The following SH3GLB1 variants were observed in gnomAD, a reference collection of about 807,000 sequenced individuals.
SH3GLB1 encodes the protein SH3 domain containing GRB2 like, endophilin B1, also known as endophilin-B1.
In SH3GLB1, 17 loss-of-function variants were observed where a neutral mutation model predicts 42.0. That is an observed-to-expected ratio of 0.40 (90% CI 0.28 to 0.61). SH3GLB1 has a LOEUF of 0.61. Ranked by LOEUF, SH3GLB1 falls within the 20% of genes least tolerant of loss-of-function variation. The probability of loss-of-function intolerance (pLI) is 0.36; values close to 1 mark genes in which losing one functional copy is unlikely to be tolerated. For synonymous variants in SH3GLB1, 132 were observed against 146.6 expected (o/e 0.90, Z 0.72); for missense variants, 355 against 426.3 (o/e 0.83, Z 1.47).
At position 86,722,032 on chromosome 1, in the gene SH3GLB1, T is replaced by C. The variant is rs1031422603; in HGVS notation, c.344-508T>C. Among the ~76,000 whole-genome samples the C allele has an allele frequency of 2.1e-4, 31 of 149,860 alleles. 2 individuals carry two copies. The East Asian group carries it at 2.5e-3, about 12-fold the overall frequency. On this transcript the variant is annotated intron_variant, in intron 3 of 8. Coordinates refer to ENST00000370558, the MANE Select transcript of SH3GLB1 (RefSeq NM_016009.5). ...CATCTTTTTTTTTTTTTTTTTTTTTTAATAGTGACAGGCCCTGCTGTGTTG... is the reference window on the plus strand; with the variant it reads ...CATCTTTTTTTTTTTTTTTTTTTTTCAATAGTGACAGGCCCTGCTGTGTTG...
At chr1:86,705,114 T>C (rs997032176) in intron 1 of SH3GLB1, 143 bp downstream of exon 1, 6 of 539,778 alleles carry the variant, frequency 1.1e-5, no homozygotes, top group African/African-American at 2.0e-5. Flanking sequence ...GGGCGCGGCC[T>C]GGTCCCCTCC....
intron 5 of SH3GLB1, among the ~76,000 whole-genome samples, chr1:86,725,962 A>C (rs1004122317): frequency 6.6e-6 from 1 of 152,110 alleles, no homozygotes; most frequent in East Asian, 1.9e-4. Flanking sequence ...AAACAACAAA[A>C]CTTCCCTAAA....
Position 86,743,619 on chromosome 1 carries a change from T to G in SH3GLB1, c.*384T>G, listed in dbSNP as rs549401137. 6.5e-6 allele frequency: 1 copy of G among 153,850 alleles called. No individual in the cohort carries two copies. Among genetic ancestry groups the G allele is most frequent in the South Asian group, 2.1e-4 (1 of 4,854 alleles). The allele number at this position is 153,850 out of a possible 1,614,324, so 9.5% of individuals were successfully genotyped here. A position where few individuals can be genotyped will look rare whatever the true frequency, so the allele number is the denominator to read the frequency against. On this transcript the variant is annotated 3_prime_UTR_variant, in exon 9 of 9. Coordinates refer to ENST00000370558, the MANE Select transcript of SH3GLB1 (RefSeq NM_016009.5). The stretch of plus-strand genomic sequence containing the variant: ...CGACTCATTTATTAGGTATAAATAA[T>G]AGCCAAAGAATAAAATTAAAATTTA...
At chr1:86,740,969 GA>G (rs2101988967) in intron 7 of SH3GLB1, among the ~76,000 whole-genome samples, 1 of 152,164 alleles carries the variant, frequency 6.6e-6, no homozygotes, top group Admixed American at 6.5e-5. Context: ...ATATGGGAAG[GA>G]AAGATAATAT....
At chr1:86,738,983 G>A (rs1316525625) in intron 7 of SH3GLB1, among the ~76,000 whole-genome samples, 2 of 152,214 alleles carry the variant, frequency 1.3e-5, no homozygotes, top group Non-Finnish European at 2.9e-5. Context: ...ATGGGGAGTT[G>A]TAGATAGTTA....
chr1:86,729,017 A>G (rs1655362765), intron 5 of SH3GLB1, among the ~76,000 whole-genome samples: 1 of 152,156 alleles, frequency 6.6e-6, no homozygotes, highest in South Asian at 2.1e-4. Flanking sequence ...GTTTTGGTGG[A>G]ATGGTGATAG....
chr1:86,721,637 A>AT (rs1390675043), intron 3 of SH3GLB1, among the ~76,000 whole-genome samples: 4 of 152,282 alleles, frequency 2.6e-5, no homozygotes, highest in East Asian at 1.9e-4. Flanking sequence ...AAAAGCATGG[A>AT]TTTTTTAACT....
chr1:86,734,719 T>C, intron 6 of SH3GLB1, 28 bp downstream of exon 6: 2 of 1,575,952 alleles, frequency 1.3e-6, no homozygotes, highest in Non-Finnish European at 1.7e-6. Context: ...GGAAATTCAT[T>C]TGGAACAAGA....
intron 7 of SH3GLB1, among the ~76,000 whole-genome samples, chr1:86,739,584 C>A (rs988130163): frequency 2.6e-5 from 4 of 152,088 alleles, no homozygotes; most frequent in Non-Finnish European, 5.9e-5. Context: ...GTAAATCTTT[C>A]AAGGGGTTTT....
intron 1 of SH3GLB1, 76 bp downstream of exon 1, chr1:86,705,047 G>A: frequency 1.0e-6 from 1 of 991,822 alleles, no homozygotes; most frequent in Non-Finnish European, 1.5e-6. Context: ...TCGACGCGGC[G>A]CCCCCGGGCC....
Position 86,743,067 on chromosome 1 carries a change from T to A in SH3GLB1, c.991-61T>A, listed in dbSNP as rs765689450. The A allele has an allele frequency of 4.0e-5, 51 of 1,262,208 alleles. No homozygotes were observed. The Middle Eastern group carries it at 9.4e-4, about 23-fold the overall frequency. 78.2% of individuals were successfully genotyped at this position (1,262,208 alleles called of 1,614,324 possible). A position where few individuals can be genotyped will look rare whatever the true frequency, so the allele number is the denominator to read the frequency against. On this transcript the variant is annotated intron_variant, in intron 8 of 8. Coordinates refer to ENST00000370558, the MANE Select transcript of SH3GLB1 (RefSeq NM_016009.5). ...TAAACAAATTAAATACAAATCTGAT[T>A]GGTTTTCTACTTGTTTATTTTTTTA...
At chr1:86,724,156 G>T (rs1204630904) in intron 4 of SH3GLB1, among the ~76,000 whole-genome samples, 157 bp from the exon 5 acceptor site, 1 of 143,578 alleles carries the variant, frequency 7.0e-6, no homozygotes, top group Non-Finnish European at 1.5e-5. Context: ...GGTGGGGGGG[G>T]GCAGATACAT....
chr1:86,736,071 AAG>A (rs1401842756), intron 7 of SH3GLB1, among the ~76,000 whole-genome samples: 19 of 152,206 alleles, frequency 1.2e-4, no homozygotes, highest in Admixed American at 1.2e-3. Context: ...AGCCAGAAGA[AAG>A]AGAGTAGGGA....
At chr1:86,732,177 A>T (rs1481344913) in intron 5 of SH3GLB1, among the ~76,000 whole-genome samples, 1 of 152,240 alleles carries the variant, frequency 6.6e-6, no homozygotes, top group African/African-American at 2.4e-5. Flanking sequence ...GTCACAGCAA[A>T]TGCCTCAGAA....
intron 3 of SH3GLB1, among the ~76,000 whole-genome samples, chr1:86,722,142 C>CAG (rs1436210079): frequency 6.7e-6 from 1 of 150,314 alleles, no homozygotes; most frequent in African/African-American, 2.5e-5. Context: ...TATGCCACCA[C>CAG]TGTGCCTGGC....
chr1:86,704,591 C>T lies in SH3GLB1; in HGVS notation c.-309C>T, dbSNP rs766852157. On this transcript the variant is annotated 5_prime_UTR_variant, in exon 1 of 9. Coordinates refer to ENST00000370558, the MANE Select transcript of SH3GLB1 (RefSeq NM_016009.5). ...GCCCGCGCTTGTTTTTCCCTTGGGACCCGGGTCCACACGGCGGGGTCGCCC... is the reference window on the plus strand; with the variant it reads ...GCCCGCGCTTGTTTTTCCCTTGGGATCCGGGTCCACACGGCGGGGTCGCCC... 3.1e-4 allele frequency: 78 copies of T among 250,988 alleles called. No homozygotes were observed. The highest frequency in any genetic ancestry group is 1.3e-3 in the African/African-American group (56 of 43,396). 15.5% of individuals were successfully genotyped at this position (250,988 alleles called of 1,614,324 possible).
At position 86,704,817 on chromosome 1, in the gene SH3GLB1, T is replaced by C. The variant is rs1467175324; in HGVS notation, c.-83T>C. On this transcript the variant is annotated 5_prime_UTR_variant, in exon 1 of 9. Coordinates refer to ENST00000370558, the MANE Select transcript of SH3GLB1 (RefSeq NM_016009.5). ...CACCTACCACGTCTGCCCTCGCCGCTCTAGCCCTGCGCCCCAGCCCGGCCG... is the reference window on the plus strand; with the variant it reads ...CACCTACCACGTCTGCCCTCGCCGCCCTAGCCCTGCGCCCCAGCCCGGCCG... 2 of 887,406 alleles carry C rather than the reference T, an allele frequency of 2.3e-6. No individual in the cohort carries two copies. Among genetic ancestry groups the C allele is most frequent in the Non-Finnish European group, 3.4e-6 (2 of 586,224 alleles). 55.0% of individuals were successfully genotyped at this position (887,406 alleles called of 1,614,324 possible).
In SH3GLB1 at chr1:86,734,998, A is replaced by G. The variant is rs1042010960; in HGVS notation, c.661-81A>G. 9.9e-6 allele frequency: 10 copies of G among 1,005,044 alleles called. No homozygotes were observed. The Admixed American group carries it at 1.1e-4, about 11-fold the overall frequency. 62.3% of individuals were successfully genotyped at this position (1,005,044 alleles called of 1,614,324 possible). On this transcript the variant is annotated intron_variant, in intron 6 of 8. Transcript: ENST00000370558. ...ATACTGGTGAGTCTACCTCAGTACA[A>G]TATTGTGGTCTGTCTCCCCCTTGCA...
Position 86,746,915 on chromosome 1 carries a change from G to A in SH3GLB1, c.*3680G>A, listed in dbSNP as rs1294244435. 6.6e-6 allele frequency: 1 copy of A among 152,282 alleles called. No individual in the cohort carries two copies. Among genetic ancestry groups the A allele is most frequent in the Non-Finnish European group, 1.5e-5 (1 of 68,030 alleles). The allele number at this position is 152,282 out of a possible 1,614,324, so 9.4% of individuals were successfully genotyped here. The stretch of plus-strand genomic sequence containing the variant: ...TCAGTAGAGCAGTGATTGGCAAAGT[G>A]TGAGACCCCAGACCGGCAATATTGG... On this transcript the variant is annotated 3_prime_UTR_variant, in exon 9 of 9. Coordinates refer to ENST00000370558, the MANE Select transcript of SH3GLB1 (RefSeq NM_016009.5).
Sources: gnomAD v4.1 joint callset for allele counts (sites outside exome capture counted in the v4.1 genomes callset) on GRCh38, gnomAD v4.1.1 for gene constraint, MANE v1.5 for transcripts, NCBI Gene and HGNC (gene_info 2026-07-23, HGNC 2026-07-21) for gene names.